Variants in DCC observed in about 807,000 individuals in gnomAD.
DCC encodes the protein netrin receptor DCC.
Under a neutral mutation model 172.5 loss-of-function variants are expected in DCC, and 58 were observed. That is an observed-to-expected ratio of 0.34 (90% confidence interval 0.27 to 0.42). DCC has a LOEUF of 0.42. Ranked by LOEUF, DCC falls within the 10% of genes least tolerant of loss-of-function variation. The pLI, the probability that DCC is intolerant of heterozygous loss-of-function variation, is 1.00. For synonymous variants in DCC, 709 were observed against 644.5 expected (o/e 1.10, Z -1.52); for missense variants, 1,740 against 1,791.0 (o/e 0.97, Z 0.51).
chr18:53,450,728 C>G, intron 23 of DCC, 66 bp downstream of exon 23: 1 of 1,286,858 alleles, frequency 7.8e-7, no homozygotes, highest in Non-Finnish European at 1.1e-6. Context: ...TTTTGATGGT[C>G]CTCTTTCTGC....
chr18:52,915,691 A>G (rs574096894), intron 3 of DCC, among the ~76,000 whole-genome samples: 4 of 152,230 alleles, frequency 2.6e-5, no homozygotes, highest in Admixed American at 2.6e-4. Context: ...AACATATTTA[A>G]TTTTGCACTA....
chr18:53,306,197 C>T (rs1486342152), intron 13 of DCC, among the ~76,000 whole-genome samples: 1 of 152,104 alleles, frequency 6.6e-6, no homozygotes, highest in Non-Finnish European at 1.5e-5. Flanking sequence ...ACTTATGCAG[C>T]AATATTGATA....
At chr18:52,474,003 C>G (rs1025616482) in intron 1 of DCC, among the ~76,000 whole-genome samples, 1 of 151,874 alleles carries the variant, frequency 6.6e-6, no homozygotes, top group Non-Finnish European at 1.5e-5. Flanking sequence ...TTTTACTGCT[C>G]CTTCTTCCAG....
chr18:52,400,730 G>A, intron 1 of DCC, among the ~76,000 whole-genome samples: 1 of 152,110 alleles, frequency 6.6e-6, no homozygotes, highest in African/African-American at 2.4e-5. Flanking sequence ...TAAAGAAAAT[G>A]TGGCACATAT....
chr18:53,005,554 G>A (rs759213903), intron 5 of DCC, among the ~76,000 whole-genome samples: 4 of 152,052 alleles, frequency 2.6e-5, no homozygotes, highest in Admixed American at 6.6e-5. Flanking sequence ...CCAACATGAC[G>A]AAACCCCATC....
At chr18:53,433,693 T>A (rs1217919558) in intron 21 of DCC, among the ~76,000 whole-genome samples, 1 of 152,178 alleles carries the variant, frequency 6.6e-6, no homozygotes, top group Non-Finnish European at 1.5e-5. Flanking sequence ...GTAAAAGGGT[T>A]AGACTTGTCC....
intron 5 of DCC, among the ~76,000 whole-genome samples, chr18:52,939,223 T>G (rs2040425445): frequency 1.3e-5 from 2 of 152,180 alleles, no homozygotes; most frequent in Non-Finnish European, 2.9e-5. Flanking sequence ...AAGCTCCCCA[T>G]ATGTCTAGAA....
At chr18:52,685,433 T>G (rs1396100149) in intron 1 of DCC, among the ~76,000 whole-genome samples, 1 of 152,116 alleles carries the variant, frequency 6.6e-6, no homozygotes, top group South Asian at 2.1e-4. Flanking sequence ...TTTGTCCCCA[T>G]CAAAACTCAT....
At chr18:52,785,581 T>A (rs2037641931) in intron 2 of DCC, among the ~76,000 whole-genome samples, 1 of 152,008 alleles carries the variant, frequency 6.6e-6, no homozygotes, top group Non-Finnish European at 1.5e-5. Context: ...CTAAGGGTCC[T>A]CAGAAGAAAG....
chr18:53,515,752 G>A (rs1356293930), intron 27 of DCC, among the ~76,000 whole-genome samples: 1 of 151,640 alleles, frequency 6.6e-6, no homozygotes, highest in East Asian at 1.9e-4. Flanking sequence ...GGGATGTGAA[G>A]GACCTCTTCA....
chr18:52,935,716 C>T (rs531371996), intron 5 of DCC, among the ~76,000 whole-genome samples: 1 of 152,214 alleles, frequency 6.6e-6, no homozygotes, highest in South Asian at 2.1e-4. Context: ...CTTCCTACTT[C>T]AGCTTGCTGG....
At chr18:52,531,897 C>CA (rs1162612690) in intron 1 of DCC, among the ~76,000 whole-genome samples, 11 of 152,018 alleles carry the variant, frequency 7.2e-5, no homozygotes, top group South Asian at 2.1e-4. Flanking sequence ...ATCTTAAAAA[C>CA]AAAAAAAGAT....
chr18:52,649,443 T>A (rs2035084761), intron 1 of DCC, among the ~76,000 whole-genome samples: 1 of 151,910 alleles, frequency 6.6e-6, no homozygotes, highest in South Asian at 2.1e-4. Flanking sequence ...TTTTTTTATA[T>A]GTGTAAATTT....
At chr18:52,761,266 C>G (rs989170648) in intron 2 of DCC, among the ~76,000 whole-genome samples, 1 of 152,170 alleles carries the variant, frequency 6.6e-6, no homozygotes, top group Non-Finnish European at 1.5e-5. Flanking sequence ...ACCATGAGAA[C>G]AGTATGGGAA....
intron 2 of DCC, among the ~76,000 whole-genome samples, chr18:52,850,635 T>TTA (rs2038960734): frequency 6.6e-6 from 1 of 152,132 alleles, no homozygotes; most frequent in Admixed American, 6.5e-5. Flanking sequence ...TCCCCACTTA[T>TTA]TCCTTGGGGA....
At chr18:53,451,935 C>T (rs1280069163) in intron 23 of DCC, among the ~76,000 whole-genome samples, 1 of 152,134 alleles carries the variant, frequency 6.6e-6, no homozygotes, top group African/African-American at 2.4e-5. Flanking sequence ...TTCTAACCAG[C>T]TGATTTATGA....
At chr18:53,526,978 G>GTT in intron 28 of DCC, 4 of 558,298 alleles carry the variant, frequency 7.2e-6, no homozygotes. Flanking sequence ...ATGTAAAAAA[G>GTT]TTGATTCTTA....
rs1388964091 is a variant in DCC, at chr18:52,610,393, A to AG, written c.92-141661_92-141660insG. Among the ~76,000 whole-genome samples, 9 of 140,242 alleles carry AG rather than the reference A, an allele frequency of 6.4e-5. 1 individual carries two copies. The East Asian group carries it at 1.8e-3, about 28-fold the overall frequency. The allele number at this position is 140,242 out of a possible 152,430, so 92.0% of individuals were successfully genotyped here. On this transcript the variant is annotated intron_variant, in intron 1 of 28. Transcript: ENST00000442544. ...AGACTCTGTCTCAACAAAAAAAAAA[A>AG]AAAAAAAAAAAAAAGAAAAAGAAAA...
intron 21 of DCC, among the ~76,000 whole-genome samples, chr18:53,417,170 T>C (rs1263345259): frequency 2.6e-5 from 4 of 152,218 alleles, no homozygotes; most frequent in African/African-American, 9.6e-5. Context: ...TTTTTAACTT[T>C]TGACAAATAC....
Sources: gnomAD v4.1 joint callset for allele counts (sites outside exome capture counted in the v4.1 genomes callset) on GRCh38, gnomAD v4.1.1 for gene constraint, MANE v1.5 for transcripts, NCBI Gene and HGNC (gene_info 2026-07-23, HGNC 2026-07-21) for gene names.